ACSS3: variants seen among roughly 807,000 people sequenced by gnomAD.
ACSS3 encodes the protein acyl-CoA synthetase short-chain family member 3, mitochondrial.
A neutral mutation model predicts 84.2 loss-of-function variants in ACSS3; 64 were observed. That is an observed-to-expected ratio of 0.76 (90% CI 0.62 to 0.94). The LOEUF (loss-of-function observed/expected upper bound fraction) is 0.94, where lower values mean the gene tolerates loss of function less well. Ranked by LOEUF, ACSS3 falls within the 40% of genes least tolerant of loss-of-function variation. ACSS3 has a pLI of 0.00. For missense variants in ACSS3, 815 were observed against 867.6 expected, an observed-to-expected ratio of 0.94 and a Z score of 0.76; for synonymous variants, 317 against 310.1, an observed-to-expected ratio of 1.02 and a Z score of -0.23.
At chr12:81,101,714 A>G (rs948179473) in intron 1 of ACSS3, among the ~76,000 whole-genome samples, 8 of 152,098 alleles carry the variant, frequency 5.3e-5, no homozygotes, top group African/African-American at 9.7e-5. Context: ...TTATACGAGA[A>G]TGCTGTTTTC....
intron 8 of ACSS3, among the ~76,000 whole-genome samples, chr12:81,189,668 C>T (rs2031465396): frequency 6.6e-6 from 1 of 151,962 alleles, no homozygotes; most frequent in Non-Finnish European, 1.5e-5. Flanking sequence ...TTCCTTTTAC[C>T]ATCACAGTGG....
chr12:81,157,785 C>A (rs1886952224), intron 7 of ACSS3, among the ~76,000 whole-genome samples: 3 of 151,894 alleles, frequency 2.0e-5, no homozygotes, highest in Non-Finnish European at 4.4e-5. Context: ...CCAGCCTGGG[C>A]AACAGAGCAA....
intron 3 of ACSS3, 111 bp from the exon 4 acceptor site, chr12:81,139,020 C>T (rs1885949831): frequency 8.6e-7 from 1 of 1,162,852 alleles, no homozygotes; most frequent in Admixed American, 2.3e-5. Context: ...AAAACAGAAA[C>T]ATTCAGACAT....
chr12:81,193,334 T>C (rs2031673656), intron 8 of ACSS3, among the ~76,000 whole-genome samples: 1 of 152,110 alleles, frequency 6.6e-6, no homozygotes. Context: ...TATTCACTTT[T>C]ATTTTTTATT....
At chr12:81,099,007 A>G (rs1420932442) in intron 1 of ACSS3, among the ~76,000 whole-genome samples, 1 of 152,222 alleles carries the variant, frequency 6.6e-6, no homozygotes, top group Non-Finnish European at 1.5e-5. Context: ...TCCAATCAAT[A>G]GAAAATTATT....
intron 13 of ACSS3, among the ~76,000 whole-genome samples, chr12:81,237,031 C>A (rs1184484468): frequency 6.6e-6 from 1 of 151,480 alleles, no homozygotes; most frequent in Non-Finnish European, 1.5e-5. Flanking sequence ...TTCCTGAAGG[C>A]TCTTCTTAAA....
intron 2 of ACSS3, among the ~76,000 whole-genome samples, chr12:81,114,269 A>G (rs1883850992): frequency 6.6e-6 from 1 of 152,156 alleles, no homozygotes; most frequent in Non-Finnish European, 1.5e-5. Context: ...TTTTTGAAAC[A>G]TAACTATGGC....
chr12:81,175,642 A>T (rs557085586), intron 8 of ACSS3, among the ~76,000 whole-genome samples: 15 of 146,916 alleles, frequency 1.0e-4, no homozygotes, highest in African/African-American at 4.1e-4. Context: ...TTAAAAAAAC[A>T]TACCAGTGAC....
Position 81,219,999 on chromosome 12 carries a change from A to G in ACSS3, c.1451-14A>G, listed in dbSNP as rs770673167. The G allele has an allele frequency of 6.8e-7, 1 of 1,462,318 alleles. No individual in the cohort carries two copies. The highest frequency in any genetic ancestry group is 9.2e-7 in the Non-Finnish European group (1 of 1,092,894). The allele number at this position is 1,462,318 out of a possible 1,614,324, so 90.6% of individuals were successfully genotyped here. ...TATGAATTTTTATTCAAATATTTAT[A>G]TTTTACTTTGTAGTTATGATTTTGG... On this transcript the variant is annotated splice_polypyrimidine_tract_variant and intron_variant, in intron 10 of 15. Transcript: ENST00000548058.
chr12:81,213,712 G>C (rs150953443), intron 9 of ACSS3, among the ~76,000 whole-genome samples: 1 of 40,560 alleles, frequency 2.5e-5, no homozygotes, highest in African/African-American at 1.1e-4. Flanking sequence ...TCTCCCCTCC[G>C]CTCCCCTCCG....
intron 8 of ACSS3, among the ~76,000 whole-genome samples, chr12:81,179,674 G>C (rs1464846792): frequency 1.3e-5 from 2 of 151,844 alleles, no homozygotes; most frequent in Admixed American, 1.3e-4. Flanking sequence ...GAGAGGCTGA[G>C]GCAGGAGAAT....
In ACSS3 at chr12:81,242,986, A is replaced by G. The variant is rs577963277; in HGVS notation, c.1719+9515A>G. On this transcript the variant is annotated intron_variant, in intron 13 of 15. Transcript: ENST00000548058. ...CCCTGTCTCACCACTCCTATTCAAC[A>G]TAGTGTTGGAAGTTCTGGCTAGGGC... Among the ~76,000 whole-genome samples, 436 of 152,192 alleles carry G rather than the reference A, an allele frequency of 2.9e-3. 4 individuals carry two copies. The highest frequency in any genetic ancestry group is 3.6e-3 in the Non-Finnish European group (248 of 68,014).
chr12:81,204,886 A>G (rs1381827709), intron 9 of ACSS3, among the ~76,000 whole-genome samples: 1 of 152,136 alleles, frequency 6.6e-6, no homozygotes, highest in Non-Finnish European at 1.5e-5. Flanking sequence ...ATTCTTAGAT[A>G]ATTCACAGAA....
Position 81,174,919 on chromosome 12 carries a change from G to C in ACSS3, c.1230G>C (p.Gly410=). ...IRQQDPGAAL[G]KQYSLTRFKT... ...AACAGGACCCTGGGGCAGCTTTGGG[G>C]AAGCAGTACTCTCTGACAAGGTGAC... is the stretch of plus-strand genomic sequence containing the variant. Residue 410 remains glycine (G), a synonymous_variant, in exon 8 of 16, where the codon GGG becomes GGC. Transcript: ENST00000548058. 1 of 1,613,876 alleles carries C rather than the reference G, an allele frequency of 6.2e-7. No individual in the cohort carries two copies.
rs2034094641 is a variant in ACSS3, at chr12:81,249,785, C to G, written c.1720-3522C>G. On this transcript the variant is annotated intron_variant, in intron 13 of 15. Coordinates refer to ENST00000548058, the MANE Select transcript of ACSS3 (RefSeq NM_024560.4). ...TTTTAAAAATCTGTCTTCTTCGAACCATTGCATAGACAATATTGCACTGCA... is the reference window on the plus strand; with the variant it reads ...TTTTAAAAATCTGTCTTCTTCGAACGATTGCATAGACAATATTGCACTGCA... Among the ~76,000 whole-genome samples, 2 of 152,020 alleles carry G rather than the reference C, an allele frequency of 1.3e-5. 1 individual carries two copies. Among genetic ancestry groups the G allele is most frequent in the South Asian group, 4.1e-4 (2 of 4,830 alleles).
At chr12:81,160,982 C>A (rs1887119057) in intron 7 of ACSS3, among the ~76,000 whole-genome samples, 1 of 152,062 alleles carries the variant, frequency 6.6e-6, no homozygotes. Flanking sequence ...GAATAATTCC[C>A]ACGATATAAT....
Position 81,216,964 on chromosome 12 carries a change from G to C in ACSS3, c.1418G>C (p.Gly473Ala). The C allele has an allele frequency of 3.7e-6, 6 of 1,611,204 alleles. No individual in the cohort carries two copies. The highest frequency in any genetic ancestry group is 4.2e-6 in the Non-Finnish European group (5 of 1,178,078). ...GLGNSKTPPP[G>A]QAGKSVPGYN... Reference sequence around the variant, plus strand: ...GGCAATTCTAAAACACCTCCACCAGGGCAAGCAGGAAAAAGCGTCCCAGGA... The same window carrying C: ...GGCAATTCTAAAACACCTCCACCAGCGCAAGCAGGAAAAAGCGTCCCAGGA... Residue 473 changes from glycine to alanine, a missense_variant, in exon 10 of 16, where the codon GGG becomes GCG. Physicochemically the swap from Gly to Ala is moderately conservative, Grantham distance 60. Transcript: ENST00000548058.
chr12:81,132,874 GTACCTAGT>G (rs1565996301), intron 2 of ACSS3, among the ~76,000 whole-genome samples: 1 of 152,086 alleles, frequency 6.6e-6, no homozygotes, highest in Non-Finnish European at 1.5e-5. Flanking sequence ...CTTAAATGAT[GTACCTAGT>G]AATGTGATAA....
intron 8 of ACSS3, 125 bp downstream of exon 8, chr12:81,175,064 T>G: frequency 1.0e-6 from 1 of 1,002,068 alleles, no homozygotes; most frequent in Non-Finnish European, 1.4e-6. Flanking sequence ...AGAGTGTTAT[T>G]AAGAACAACT....
Sources: allele counts gnomAD v4.1 joint callset (sites outside exome capture counted in the v4.1 genomes callset), GRCh38; gene constraint gnomAD v4.1.1; transcripts MANE v1.5; gene names NCBI Gene and HGNC (gene_info 2026-07-23, HGNC 2026-07-21).